LRMDA: variants seen among roughly 807,000 people sequenced by gnomAD.
LRMDA encodes the protein leucine-rich melanocyte differentiation-associated protein.
In LRMDA, 18 loss-of-function variants were observed where a neutral mutation model predicts 29.8. The ratio of observed to expected loss-of-function variants is 0.60; its 90% CI spans 0.42 to 0.90. The LOEUF (loss-of-function observed/expected upper bound fraction) is 0.90. Ranked by LOEUF, LRMDA falls within the 40% of genes least tolerant of loss-of-function variation. LRMDA has a pLI of 0.00. For synonymous variants in LRMDA, 125 were observed against 109.4 expected (o/e 1.14, Z -0.89); for missense variants, 273 against 273.9 (o/e 1.00, Z 0.02).
rs115189677 is a variant in LRMDA, at chr10:75,443,020, G to A, written c.131+4526G>A. Among the ~76,000 whole-genome samples the A allele has an allele frequency of 4.9e-3, 750 of 151,894 alleles. 10 individuals carry two copies. The highest frequency in any genetic ancestry group is 0.017 in the African/African-American group (718 of 41,428). ...TAAGTTTTTTGGATAATTCTTTGTT[G>A]GTGTATAGGGATGCAGCTGATTTTT... On this transcript the variant is annotated intron_variant, in intron 2 of 6. Coordinates refer to ENST00000611255, the MANE Select transcript of LRMDA (RefSeq NM_001305581.2).
At chr10:75,455,496 G>A (rs1422971456) in intron 2 of LRMDA, among the ~76,000 whole-genome samples, 3 of 152,198 alleles carry the variant, frequency 2.0e-5, no homozygotes, top group Admixed American at 6.5e-5. Context: ...TTCTCCCTGT[G>A]GACTTTGAGA....
At chr10:76,142,557 G>A (rs1254176897) in intron 5 of LRMDA, among the ~76,000 whole-genome samples, 1 of 150,844 alleles carries the variant, frequency 6.6e-6, no homozygotes, top group Non-Finnish European at 1.5e-5. Context: ...ACTCAACATT[G>A]TGTTACTAAA....
At chr10:75,930,462 T>C (rs748371588) in intron 2 of LRMDA, among the ~76,000 whole-genome samples, 36 of 152,302 alleles carry the variant, frequency 2.4e-4, no homozygotes, top group Non-Finnish European at 4.1e-4. Context: ...ATATATGTAA[T>C]GTATGACAGA....
chr10:76,537,801 G>A (rs1263718728), intron 6 of LRMDA, among the ~76,000 whole-genome samples: 6 of 152,088 alleles, frequency 3.9e-5, no homozygotes. Context: ...GACATCTTGA[G>A]TTATTCTGCC....
Position 76,495,822 on chromosome 10 carries a change from T to TGGGCACTTGGGTTG in LRMDA, c.602-61387_602-61386insGGGCACTTGGGTTG, listed in dbSNP as rs1311930804. 8.0e-4 allele frequency among the ~76,000 whole-genome samples: 63 copies of TGGGCACTTGGGTTG among 78,394 alleles called. 6 individuals carry two copies. The highest frequency in any genetic ancestry group is 1.3e-3 in the Non-Finnish European group (30 of 23,218). The allele number at this position is 78,394 out of a possible 152,430, so 51.4% of individuals were successfully genotyped here. ...AGATTCCACCTGTCCATTTTCAGTA[T>TGGGCACTTGGGTTG]ATAGAAAATGCAATTGATTTGTTTG... On this transcript the variant is annotated intron_variant, in intron 6 of 6. Coordinates refer to ENST00000611255, the MANE Select transcript of LRMDA (RefSeq NM_001305581.2).
intron 2 of LRMDA, among the ~76,000 whole-genome samples, chr10:75,548,949 T>C (rs1468030732): frequency 6.6e-6 from 1 of 152,158 alleles, no homozygotes; most frequent in Non-Finnish European, 1.5e-5. Flanking sequence ...AGTTTATTAC[T>C]ACAATTTCCT....
intron 6 of LRMDA, chr10:76,437,261 T>C (rs904590469): frequency 1.8e-4 from 27 of 152,188 alleles, no homozygotes; most frequent in African/African-American, 6.5e-4. Context: ...CAAAGAATCC[T>C]TTTGCAGCTG....
At chr10:75,898,776 T>C (rs143143054) in intron 2 of LRMDA, among the ~76,000 whole-genome samples, 219 of 152,346 alleles carry the variant, frequency 1.4e-3, no homozygotes, top group African/African-American at 4.9e-3. Flanking sequence ...TACAGACTAA[T>C]TCATAGATAA....
At chr10:76,080,752 G>A (rs1317889447) in intron 5 of LRMDA, among the ~76,000 whole-genome samples, 1 of 152,218 alleles carries the variant, frequency 6.6e-6, no homozygotes, top group Non-Finnish European at 1.5e-5. Flanking sequence ...TGATTTACTA[G>A]CTAATTCAGG....
intron 2 of LRMDA, among the ~76,000 whole-genome samples, chr10:76,019,810 T>C (rs1053175498): frequency 2.0e-5 from 3 of 152,150 alleles, no homozygotes; most frequent in Admixed American, 6.5e-5. Flanking sequence ...GCCCCAGTGG[T>C]TCTTTTACTG....
chr10:76,071,717 G>A (rs553157493), intron 5 of LRMDA, among the ~76,000 whole-genome samples: 7 of 152,290 alleles, frequency 4.6e-5, no homozygotes, highest in East Asian at 1.9e-4. Context: ...TAGGCCAAAC[G>A]CTCTCTTATG....
At chr10:76,180,380 A>T (rs1851024142) in intron 5 of LRMDA, among the ~76,000 whole-genome samples, 1 of 150,708 alleles carries the variant, frequency 6.6e-6, no homozygotes, top group African/African-American at 2.5e-5. Context: ...CCCAGGTTCA[A>T]ACAATTTTCC....
chr10:76,518,879 G>C (rs1843091031), intron 6 of LRMDA, among the ~76,000 whole-genome samples: 1 of 152,060 alleles, frequency 6.6e-6, no homozygotes. Context: ...AAGCATATAT[G>C]GAACATTTTT....
chr10:75,738,496 A>G (rs1842792383), intron 2 of LRMDA, among the ~76,000 whole-genome samples: 1 of 152,172 alleles, frequency 6.6e-6, no homozygotes. Context: ...GGAACAGACC[A>G]ATTGTTTATA....
intron 6 of LRMDA, among the ~76,000 whole-genome samples, chr10:76,518,648 A>G (rs79259673): frequency 0.022 from 3,412 of 152,282 alleles, 88 homozygotes; most frequent in African/African-American, 0.061. Context: ...AAATATGAAA[A>G]AAACTGTCTT....
At chr10:76,467,115 G>A (rs1842572068) in intron 6 of LRMDA, among the ~76,000 whole-genome samples, 1 of 152,132 alleles carries the variant, frequency 6.6e-6, no homozygotes, top group South Asian at 2.1e-4. Context: ...TTTTGAAGTG[G>A]AATTACTAAA....
rs562496619 is a variant in LRMDA at position 76,226,194 on chromosome 10, TACAGTC to T, written c.517-98205_517-98200del. Among the ~76,000 whole-genome samples, 84 of 152,168 alleles carry T rather than the reference TACAGTC, an allele frequency of 5.5e-4. 1 individual carries two copies. The highest frequency in any genetic ancestry group is 4.1e-3 in the Admixed American group (62 of 15,282). ...AAGGCTGGGGAGACCTCAGGAAACT[TACAGTC>T]ATAGTGGAAGGGAAAGCAAACACAT... On this transcript the variant is annotated intron_variant, in intron 5 of 6. Transcript: ENST00000611255.
At chr10:76,176,789 T>C (rs1850944146) in intron 5 of LRMDA, among the ~76,000 whole-genome samples, 1 of 152,156 alleles carries the variant, frequency 6.6e-6, no homozygotes, top group Non-Finnish European at 1.5e-5. Context: ...CGAGACTCCG[T>C]CTCAAAAAGA....
chr10:75,922,134 A>T (rs527748058), intron 2 of LRMDA, among the ~76,000 whole-genome samples: 1 of 152,326 alleles, frequency 6.6e-6, no homozygotes, highest in African/African-American at 2.4e-5. Context: ...CAATGGGGGA[A>T]AGTCATGGCG....
Sources: allele counts gnomAD v4.1 joint callset (sites outside exome capture counted in the v4.1 genomes callset), GRCh38; gene constraint gnomAD v4.1.1; transcripts MANE v1.5; gene names NCBI Gene and HGNC (gene_info 2026-07-23, HGNC 2026-07-21).